The following PSIP1 variants were observed in gnomAD, a reference collection of about 807,000 sequenced individuals.
PSIP1 encodes the protein PC4 and SRSF1 interacting protein 1.
In PSIP1, 19 loss-of-function variants were observed where a neutral mutation model predicts 74.7. That is an observed-to-expected ratio of 0.25 (90% CI 0.18 to 0.37). The LOEUF is 0.37. Among genes scored for constraint, PSIP1 ranks in the 10% least tolerant of loss-of-function variants. PSIP1 has a pLI of 1.00. For missense variants in PSIP1, 601 were observed against 614.3 expected (o/e 0.98, Z 0.23); for synonymous variants, 222 against 195.3 (o/e 1.14, Z -1.14).
In PSIP1 at chr9:15,494,288, T is replaced by G. The variant is rs554004113; in HGVS notation, c.150-4164A>C. 3.3e-5 allele frequency among the ~76,000 whole-genome samples: 5 copies of G among 152,196 alleles called. No individual in the cohort carries two copies. The East Asian group carries it at 9.6e-4, about 29-fold the overall frequency. ...CTTAAGAGTTCTATTTAAATATGGC[T>G]GGGCGTGGTGGCTCATGCCTATAAT... On this transcript the variant is annotated intron_variant, in intron 3 of 15. Coordinates refer to ENST00000380733, the MANE Select transcript of PSIP1 (RefSeq NM_033222.5).
chr9:15,486,028 G>T lies in PSIP1; in HGVS notation c.434C>A (p.Ala145Asp). 6.2e-7 allele frequency: 1 copy of T among 1,609,348 alleles called. No individual in the cohort carries two copies. Among genetic ancestry groups the T allele is most frequent in the Non-Finnish European group, 8.5e-7 (1 of 1,176,624 alleles). The change falls in exon 6 of 16, where the codon GCC (alanine) becomes GAC (aspartate). Residue 145 changes from alanine (A) to aspartate (D), a missense_variant. Physicochemically the swap from Ala to Asp is moderately radical, Grantham distance 126. This residue lies in a region of PSIP1 where 538 missense variants were observed against 507.6 expected (regional missense o/e 1.06). Transcript: ENST00000380733. ...KAVDITTPKA[A>D]RRGRKRKAEK... ...TACCTTTCTCTTTCTCCCCCTTCTG[G>T]CAGCTTTTGGAGTAGTTATGTCAAC...
intron 14 of PSIP1, 181 bp downstream of exon 14, chr9:15,468,449 T>G (rs562996661): frequency 2.0e-5 from 16 of 782,548 alleles, no homozygotes; most frequent in Middle Eastern, 2.2e-4. Flanking sequence ...ACATGATTTT[T>G]TGTTCTCAAT....
intron 3 of PSIP1, among the ~76,000 whole-genome samples, chr9:15,501,517 A>G (rs980173071): frequency 1.3e-5 from 2 of 152,174 alleles, no homozygotes; most frequent in Non-Finnish European, 2.9e-5. Flanking sequence ...AGGGAAAACA[A>G]AAGACCTGAG....
At chr9:15,504,374 T>C (rs976585627) in intron 3 of PSIP1, among the ~76,000 whole-genome samples, 5 of 152,198 alleles carry the variant, frequency 3.3e-5, no homozygotes, top group Non-Finnish European at 5.9e-5. Flanking sequence ...TCCTTTTAAA[T>C]GCAGGAGAAG....
chr9:15,472,457 A>G (rs1188966998), intron 10 of PSIP1, 175 bp downstream of exon 10: 1 of 1,394,208 alleles, frequency 7.2e-7, no homozygotes, highest in African/African-American at 1.5e-5. Flanking sequence ...TCCTCTCAGA[A>G]GAGAATGAAG....
At position 15,465,514 on chromosome 9, in the gene PSIP1, GTCAA is replaced by G. The variant is rs1302736113; in HGVS notation, c.*2_*5del. On this transcript the variant is annotated 3_prime_UTR_variant, in exon 16 of 16. Coordinates refer to ENST00000380733, the MANE Select transcript of PSIP1 (RefSeq NM_033222.5). ...CAAGTGTTCTCTATATTCCAGGTAT[GTCAA>G]CCTAGTTATCTAGTGTAGAATCCTT... is the stretch of plus-strand genomic sequence containing the variant. 1.3e-6 allele frequency: 2 copies of G among 1,540,966 alleles called. No homozygotes were observed. The highest frequency in any genetic ancestry group is 2.8e-5 in the African/African-American group (2 of 72,556).
intron 9 of PSIP1, 84 bp downstream of exon 9, chr9:15,473,915 CAAAAAAAAAA>C: frequency 1.7e-6 from 1 of 598,854 alleles, no homozygotes; most frequent in South Asian, 4.1e-5. Flanking sequence ...AAAAAAAAAA[CAAAAAAAAAA>C]ACAAAAAAAA....
At position 15,474,228 on chromosome 9, in the gene PSIP1, T is replaced by C; in HGVS notation, c.639A>G (p.Glu213=). The C allele has an allele frequency of 6.2e-7, 1 of 1,607,060 alleles. No homozygotes were observed. Among genetic ancestry groups the C allele is most frequent in the Non-Finnish European group, 8.5e-7 (1 of 1,177,566 alleles). Reference sequence around the variant, plus strand: ...GCCCCTTTTTCTTACTTTTGTCCTCTTCAGTAATGCTATTTTAGAGAACAT... The same window carrying C: ...GCCCCTTTTTCTTACTTTTGTCCTCCTCAGTAATGCTATTTTAGAGAACAT... ...PCPSESDIIT[E]EDKSKKKGQE... The change falls in exon 9 of 16, where the codon GAA becomes GAG. Residue 213 remains glutamate (E), a synonymous_variant. Coordinates refer to ENST00000380733, the MANE Select transcript of PSIP1 (RefSeq NM_033222.5).
rs1164237492 is a variant in PSIP1, at chr9:15,482,715, CTTT to C, written c.457-3031_457-3029del. Among the ~76,000 whole-genome samples, 4 of 152,310 alleles carry C rather than the reference CTTT, an allele frequency of 2.6e-5. No homozygotes were observed. In the East Asian group the frequency reaches 7.7e-4, roughly 29 times the overall value. ...GAAAAAGTGTTAAGGCATTTACTGT[CTTT>C]TGTCATTTTAACACTTTCCCTTAGC... is the stretch of plus-strand genomic sequence containing the variant. On this transcript the variant is annotated intron_variant, in intron 6 of 15. Coordinates refer to ENST00000380733, the MANE Select transcript of PSIP1 (RefSeq NM_033222.5).
chr9:15,496,159 G>C (rs985990517), intron 3 of PSIP1, among the ~76,000 whole-genome samples: 2 of 152,216 alleles, frequency 1.3e-5, no homozygotes, highest in African/African-American at 4.8e-5. Flanking sequence ...TAGGTTGAAA[G>C]ACTAGCAGCA....
At chr9:15,470,859 T>C in intron 10 of PSIP1, 1 of 1,066,552 alleles carries the variant, frequency 9.4e-7, no homozygotes, top group Non-Finnish European at 1.1e-6. Context: ...ATTTTCTAGA[T>C]GAATAATGTA....
In PSIP1 at chr9:15,468,542, T is replaced by G. The variant is rs2035724663; in HGVS notation, c.1420+88A>C. On this transcript the variant is annotated intron_variant, in intron 14 of 15. Coordinates refer to ENST00000380733, the MANE Select transcript of PSIP1 (RefSeq NM_033222.5). ...TACTTTTTCTGTGGCGTATACACAG[T>G]GAAACTATGTATGAAAGCCATTTTT... 3 of 1,391,566 alleles carry G rather than the reference T, an allele frequency of 2.2e-6. No individual in the cohort carries two copies. The Admixed American group carries it at 5.1e-5, about 23-fold the overall frequency. 86.2% of individuals were successfully genotyped at this position (1,391,566 alleles called of 1,614,324 possible).
chr9:15,473,928 AAAAAAAAAACAAAG>A, intron 9 of PSIP1, 67 bp downstream of exon 9: 1 of 806,956 alleles, frequency 1.2e-6, no homozygotes, highest in Non-Finnish European at 1.7e-6. Flanking sequence ...AAAAAAAAAC[AAAAAAAAAACAAAG>A]AAAAAACAAA....
chr9:15,473,011 G>C (rs777018789), intron 9 of PSIP1, among the ~76,000 whole-genome samples: 5 of 152,114 alleles, frequency 3.3e-5, no homozygotes, highest in Non-Finnish European at 7.4e-5. Context: ...CAGTCTGTTT[G>C]CCTCTCTACA....
At chr9:15,509,696 C>T (rs968158992) in intron 2 of PSIP1, among the ~76,000 whole-genome samples, 3 of 152,158 alleles carry the variant, frequency 2.0e-5, no homozygotes, top group Non-Finnish European at 2.9e-5. Context: ...TAATCACATA[C>T]GCACTTCTCT....
chr9:15,468,266 T>A, intron 14 of PSIP1: 1 of 508,266 alleles, frequency 2.0e-6, no homozygotes, highest in Non-Finnish European at 3.9e-6. Flanking sequence ...AAAAGGCTAC[T>A]GTACGCTATT....
intron 3 of PSIP1, among the ~76,000 whole-genome samples, chr9:15,501,900 G>A (rs2037367056): frequency 7.1e-6 from 1 of 141,746 alleles, no homozygotes; most frequent in Non-Finnish European, 1.5e-5. Context: ...TTTAAATCTG[G>A]GGTCTCCAGC....
intron 4 of PSIP1, among the ~76,000 whole-genome samples, chr9:15,489,776 C>T (rs1244497957): frequency 1.3e-5 from 2 of 151,986 alleles, no homozygotes; most frequent in Non-Finnish European, 2.9e-5. Context: ...GAATAGTTCC[C>T]AGTTTCTTGA....
At chr9:15,497,962 G>A (rs943748379) in intron 3 of PSIP1, among the ~76,000 whole-genome samples, 1 of 152,064 alleles carries the variant, frequency 6.6e-6, no homozygotes, top group Non-Finnish European at 1.5e-5. Flanking sequence ...ATCTTTTTAT[G>A]TCAACAATTA....
Sources: allele counts gnomAD v4.1 joint callset (sites outside exome capture counted in the v4.1 genomes callset), GRCh38; gene constraint gnomAD v4.1.1; regional missense constraint gnomAD v4.1.1; transcripts MANE v1.5; gene names NCBI Gene and HGNC (gene_info 2026-07-23, HGNC 2026-07-21).